MPP7: variants seen among roughly 807,000 people sequenced by gnomAD.
The protein encoded by MPP7 is MAGUK p55 subfamily member 7.
MPP7 carries 60 observed loss-of-function variants against 76.5 expected under a neutral mutation model. The ratio of observed to expected loss-of-function variants is 0.78; its 90% CI spans 0.64 to 0.97. The LOEUF (loss-of-function observed/expected upper bound fraction) is 0.97. Among genes scored for constraint, MPP7 ranks in the 50% least tolerant of loss-of-function variants. The probability of loss-of-function intolerance (pLI) is 0.00; values close to 1 mark genes in which losing one functional copy is unlikely to be tolerated. For synonymous variants in MPP7, 237 were observed against 244.5 expected (o/e 0.97, Z 0.29); for missense variants, 641 against 694.0 (o/e 0.92, Z 0.86).
chr10:28,295,477 G>A (rs146671669), intron 1 of MPP7, among the ~76,000 whole-genome samples: 157 of 152,192 alleles, frequency 1.0e-3, no homozygotes, highest in African/African-American at 3.4e-3. Flanking sequence ...GATAAATCTT[G>A]GGCCATAACT....
intron 13 of MPP7, among the ~76,000 whole-genome samples, chr10:28,062,499 G>A (rs1264055733): frequency 6.8e-6 from 1 of 146,948 alleles, no homozygotes; most frequent in Non-Finnish European, 1.5e-5. Flanking sequence ...TAATAAAATA[G>A]TAGCTTAAAT....
intron 5 of MPP7, among the ~76,000 whole-genome samples, chr10:28,145,821 CATA>C (rs559321062): frequency 8.0e-4 from 122 of 152,254 alleles, no homozygotes; most frequent in Admixed American, 1.8e-3. Context: ...ATATTTTCCA[CATA>C]ATAAAATTTA....
intron 2 of MPP7, among the ~76,000 whole-genome samples, chr10:28,227,475 A>T (rs1838733575): frequency 6.6e-6 from 1 of 151,242 alleles, no homozygotes; most frequent in African/African-American, 2.4e-5. Context: ...CCCACCCCCA[A>T]CCCCCGACAG....
At chr10:28,300,368 T>G (rs942752416) in intron 1 of MPP7, among the ~76,000 whole-genome samples, 40 of 152,294 alleles carry the variant, frequency 2.6e-4, no homozygotes, top group African/African-American at 9.6e-4. Flanking sequence ...ATCTTTCCAG[T>G]GTCCCACAAT....
chr10:28,197,865 A>C (rs780828879), intron 3 of MPP7, among the ~76,000 whole-genome samples: 1 of 152,218 alleles, frequency 6.6e-6, no homozygotes, highest in Non-Finnish European at 1.5e-5. Flanking sequence ...CTGGTATCAA[A>C]ATATATTGTA....
intron 1 of MPP7, among the ~76,000 whole-genome samples, chr10:28,244,878 T>C: frequency 6.6e-6 from 1 of 152,110 alleles, no homozygotes; most frequent in East Asian, 1.9e-4. Context: ...GTGTAATGAA[T>C]GAACTAGCAC....
intron 3 of MPP7, among the ~76,000 whole-genome samples, chr10:28,196,691 T>C (rs915153109): frequency 4.6e-5 from 7 of 152,110 alleles, no homozygotes; most frequent in South Asian, 2.1e-4. Flanking sequence ...GCATAAACAA[T>C]AGTTGGTGGC....
chr10:28,244,315 CTG>C (rs1243925114), intron 1 of MPP7, among the ~76,000 whole-genome samples: 4 of 152,068 alleles, frequency 2.6e-5, no homozygotes, highest in African/African-American at 7.2e-5. Context: ...TTGTGCAAAA[CTG>C]TGAAAATTTT....
At chr10:28,087,377 T>C (rs1434622907) in intron 12 of MPP7, among the ~76,000 whole-genome samples, 3 of 152,124 alleles carry the variant, frequency 2.0e-5, no homozygotes, top group Non-Finnish European at 4.4e-5. Context: ...CACAACAGAC[T>C]AACACATGCC....
chr10:28,190,899 G>A (rs1234572201), intron 3 of MPP7, among the ~76,000 whole-genome samples: 1 of 151,668 alleles, frequency 6.6e-6, no homozygotes, highest in African/African-American at 2.4e-5. Flanking sequence ...CTATAGCCAG[G>A]GAAAAAAGAG....
chr10:28,231,643 GAC>G (rs1328751049), intron 2 of MPP7, among the ~76,000 whole-genome samples: 12 of 151,394 alleles, frequency 7.9e-5, no homozygotes, highest in Non-Finnish European at 1.3e-4. Flanking sequence ...TGATAAAATG[GAC>G]AGTCTTGGAA....
intron 2 of MPP7, among the ~76,000 whole-genome samples, chr10:28,312,131 A>T (rs1317581284): frequency 6.6e-6 from 1 of 152,156 alleles, no homozygotes; most frequent in Non-Finnish European, 1.5e-5. Context: ...AAGCTTCCAC[A>T]GCGTGAAAGG....
chr10:28,172,677 T>C (rs112458802), intron 3 of MPP7, among the ~76,000 whole-genome samples: 3 of 152,214 alleles, frequency 2.0e-5, no homozygotes, highest in Non-Finnish European at 4.4e-5. Context: ...TTCTGAGCTA[T>C]AGAAATTACA....
chr10:28,260,143 G>GTTACAATAAT (rs1452887953), intron 1 of MPP7, among the ~76,000 whole-genome samples: 1 of 152,160 alleles, frequency 6.6e-6, no homozygotes, highest in Non-Finnish European at 1.5e-5. Context: ...TATAAATACT[G>GTTACAATAAT]TTACAATAAT....
At position 28,052,541 on chromosome 10, in the gene MPP7, G is replaced by A. The variant is rs148226983; in HGVS notation, c.*1524C>T. 21 of 152,662 alleles carry A rather than the reference G, an allele frequency of 1.4e-4. 1 individual carries two copies. The East Asian group carries it at 3.5e-3, about 25-fold the overall frequency. 9.5% of individuals were successfully genotyped at this position (152,662 alleles called of 1,614,324 possible). ...CTATCAAATGTGCAGTGCACAGATCGCACACTTGGATCTATCTTTGTAAAG... is the reference window on the plus strand; with the variant it reads ...CTATCAAATGTGCAGTGCACAGATCACACACTTGGATCTATCTTTGTAAAG... On this transcript the variant is annotated 3_prime_UTR_variant, in exon 17 of 17. Coordinates refer to ENST00000683449, the MANE Select transcript of MPP7 (RefSeq NM_001318170.2).
At chr10:28,297,937 C>T (rs898025497) in intron 1 of MPP7, among the ~76,000 whole-genome samples, 3 of 152,180 alleles carry the variant, frequency 2.0e-5, no homozygotes, top group African/African-American at 7.2e-5. Flanking sequence ...AAGCCACTTT[C>T]TTTGCTCATT....
intron 2 of MPP7, among the ~76,000 whole-genome samples, chr10:28,203,674 T>C (rs188002974): frequency 4.2e-4 from 64 of 152,326 alleles, no homozygotes; most frequent in African/African-American, 1.2e-3. Flanking sequence ...GGTTTCATTA[T>C]ATATATGAAA....
At chr10:28,088,070 T>A (rs11006848) in intron 12 of MPP7, among the ~76,000 whole-genome samples, 7,848 of 152,308 alleles carry the variant, frequency 0.052, 240 homozygotes, top group Middle Eastern at 0.11. Context: ...ATGATGCTAG[T>A]GTTCACTTCC....
chr10:28,279,449 A>C (rs11006981), intron 1 of MPP7, among the ~76,000 whole-genome samples: 14,923 of 151,968 alleles, frequency 0.098, 932 homozygotes, highest in South Asian at 0.16. Flanking sequence ...AGAATTTCGG[A>C]CAGGCGCAGT....
Sources: allele counts gnomAD v4.1 joint callset (sites outside exome capture counted in the v4.1 genomes callset), GRCh38; gene constraint gnomAD v4.1.1; transcripts MANE v1.5; gene names NCBI Gene and HGNC (gene_info 2026-07-23, HGNC 2026-07-21).